Variants in ARMC3 observed in about 807,000 individuals in gnomAD.
The protein encoded by ARMC3 is armadillo repeat containing 3, also known as armadillo repeat-containing protein 3.
ARMC3 carries 74 observed loss-of-function variants against 90.3 expected under a neutral mutation model. The observed-to-expected ratio is 0.82, with a 90% CI of 0.68 to 0.99. The LOEUF is 0.99. ARMC3 is among the 50% of genes least tolerant of loss of function. The pLI, the probability that ARMC3 is intolerant of heterozygous loss-of-function variation, is 0.00. For synonymous variants in ARMC3, 334 were observed against 361.8 expected (o/e 0.92, Z 0.87); for missense variants, 958 against 1,042.8 (o/e 0.92, Z 1.12).
chr10:23,002,854 A>C (rs936798461), intron 12 of ARMC3, among the ~76,000 whole-genome samples: 1 of 152,202 alleles, frequency 6.6e-6, no homozygotes, highest in Admixed American at 6.5e-5. Context: ...AATTACAGGC[A>C]TAAGCCATCA....
chr10:22,942,137 G>A (rs1365671229), intron 2 of ARMC3, among the ~76,000 whole-genome samples: 1 of 152,210 alleles, frequency 6.6e-6, no homozygotes, highest in Non-Finnish European at 1.5e-5. Flanking sequence ...GGGGAATAAG[G>A]GAGAAAGCTG....
chr10:22,947,305 C>CA (rs1041769199), intron 3 of ARMC3, among the ~76,000 whole-genome samples: 1 of 137,818 alleles, frequency 7.3e-6, no homozygotes, highest in Non-Finnish European at 1.5e-5. Context: ...GACCCTGTCT[C>CA]AAAAAACAAA....
At chr10:22,987,214 C>T (rs577793914) in intron 10 of ARMC3, among the ~76,000 whole-genome samples, 6 of 152,240 alleles carry the variant, frequency 3.9e-5, no homozygotes, top group Middle Eastern at 3.4e-3. Context: ...TACATTTATC[C>T]TGTATGCTTC....
At chr10:22,994,115 C>G (rs1184724012) in intron 10 of ARMC3, among the ~76,000 whole-genome samples, 3 of 152,164 alleles carry the variant, frequency 2.0e-5, no homozygotes, top group African/African-American at 7.2e-5. Context: ...ATGCTCTGAG[C>G]TCATGTTAAA....
chr10:22,963,006 GGAACT>G (rs2131265244), intron 7 of ARMC3, among the ~76,000 whole-genome samples: 1 of 152,174 alleles, frequency 6.6e-6, no homozygotes, highest in African/African-American at 2.4e-5. Context: ...TTTTAAAAGG[GGAACT>G]GAAACCAGAA....
intron 3 of ARMC3, among the ~76,000 whole-genome samples, chr10:22,950,710 G>A (rs1185818348): frequency 6.6e-6 from 1 of 152,014 alleles, no homozygotes. Flanking sequence ...AAAAGCAAGA[G>A]TAAACCACAT....
At chr10:22,961,824 T>C in intron 6 of ARMC3, 60 bp from the exon 7 acceptor site, 1 of 1,360,752 alleles carries the variant, frequency 7.3e-7, no homozygotes, top group South Asian at 1.4e-5. Context: ...ACAGAATTTC[T>C]CCATTCTTGA....
chr10:22,963,908 C>CAT (rs1835315454), intron 7 of ARMC3, among the ~76,000 whole-genome samples: 1 of 24,696 alleles, frequency 4.0e-5, no homozygotes, highest in Non-Finnish European at 9.0e-5. Context: ...CACACACACA[C>CAT]ACACACACAC....
intron 10 of ARMC3, among the ~76,000 whole-genome samples, chr10:22,983,173 G>A (rs16922870): frequency 0.018 from 2,812 of 152,230 alleles, 93 homozygotes; most frequent in African/African-American, 0.065. Flanking sequence ...TCTCGCTCCA[G>A]TCCATTTACA....
chr10:23,006,430 T>C (rs1216860740), intron 13 of ARMC3, among the ~76,000 whole-genome samples: 1 of 152,226 alleles, frequency 6.6e-6, no homozygotes, highest in East Asian at 1.9e-4. Flanking sequence ...TGGAAAAAGA[T>C]CTCAAAAGTG....
At chr10:22,992,424 C>CG (rs1564377185) in intron 10 of ARMC3, among the ~76,000 whole-genome samples, 5 of 151,776 alleles carry the variant, frequency 3.3e-5, no homozygotes, top group South Asian at 2.1e-4. Context: ...TAGCATTTTG[C>CG]GGGGGGCATT....
intron 1 of ARMC3, among the ~76,000 whole-genome samples, chr10:22,930,214 T>G (rs570216434): frequency 2.0e-5 from 3 of 152,144 alleles, no homozygotes; most frequent in African/African-American, 4.8e-5. Context: ...TGAAATATTA[T>G]AGGCACAAGG....
At chr10:22,969,047 T>C (rs1835569859) in intron 8 of ARMC3, among the ~76,000 whole-genome samples, 1 of 152,208 alleles carries the variant, frequency 6.6e-6, no homozygotes, top group South Asian at 2.1e-4. Flanking sequence ...TTTGTTTCAC[T>C]TGAATTTGGA....
intron 7 of ARMC3, among the ~76,000 whole-genome samples, chr10:22,963,885 T>C (rs1318716356): frequency 5.3e-5 from 4 of 75,746 alleles, no homozygotes; most frequent in Non-Finnish European, 9.4e-5. Context: ...CGAGACTCTG[T>C]CTCACACACA....
chr10:23,029,366 A>G (rs909810385), intron 16 of ARMC3, among the ~76,000 whole-genome samples: 1 of 152,142 alleles, frequency 6.6e-6, no homozygotes, highest in African/African-American at 2.4e-5. Context: ...TACTTTTCAG[A>G]GTCCTCAAAC....
Position 23,032,915 on chromosome 10 carries a change from C to A in ARMC3, c.2301C>A (p.Phe767Leu), listed in dbSNP as rs1838972044. 11 of 1,612,856 alleles carry A rather than the reference C, an allele frequency of 6.8e-6. No homozygotes were observed. Among genetic ancestry groups the A allele is most frequent in the Non-Finnish European group, 9.3e-6 (11 of 1,179,420 alleles). ...TTCCAAAAGAGAAACTACCTGATTT[C>A]AGCTGGGAACTTCACATAAGTGAAC... ...GKIPKEKLPD[F>L]SWELHISELK... The change falls in exon 18 of 19, where the codon TTC becomes TTA. Residue 767 changes from phenylalanine to leucine, a missense_variant. By Grantham distance (22) the Phe-to-Leu change is conservative. Transcript: ENST00000298032.
intron 3 of ARMC3, among the ~76,000 whole-genome samples, chr10:22,950,329 C>G (rs1834696738): frequency 6.6e-6 from 1 of 152,006 alleles, no homozygotes; most frequent in Admixed American, 6.5e-5. Flanking sequence ...TATATGGCAA[C>G]AACAGCCCCA....
chr10:23,008,192 G>A (rs1837721483), intron 14 of ARMC3, 84 bp from the exon 15 acceptor site: 1 of 696,770 alleles, frequency 1.4e-6, no homozygotes, highest in Non-Finnish European at 2.3e-6. Flanking sequence ...ATGACTTTCA[G>A]AAAAAAATCT....
intron 16 of ARMC3, among the ~76,000 whole-genome samples, chr10:23,016,768 A>G (rs1325276952): frequency 2.0e-5 from 3 of 152,206 alleles, no homozygotes; most frequent in African/African-American, 4.8e-5. Flanking sequence ...ATAAGATTGC[A>G]TTTCCTGGAG....
Sources: gnomAD v4.1 joint callset for allele counts (sites outside exome capture counted in the v4.1 genomes callset) on GRCh38, gnomAD v4.1.1 for gene constraint, MANE v1.5 for transcripts, NCBI Gene and HGNC (gene_info 2026-07-23, HGNC 2026-07-21) for gene names.